MAP3K13: variants seen among roughly 807,000 people sequenced by gnomAD.
MAP3K13 encodes mitogen-activated protein kinase kinase kinase 13.
In MAP3K13, 52 loss-of-function variants were observed where a neutral mutation model predicts 104.0. The ratio of observed to expected loss-of-function variants is 0.50; its 90% CI spans 0.40 to 0.63. The LOEUF (loss-of-function observed/expected upper bound fraction) is 0.63. Among genes scored for constraint, MAP3K13 ranks in the 20% least tolerant of loss-of-function variants. MAP3K13 has a pLI of 0.00. For synonymous variants in MAP3K13, 394 were observed against 442.2 expected (o/e 0.89, Z 1.37); for missense variants, 914 against 1,218.5 (o/e 0.75, Z 3.72).
intron 2 of MAP3K13, among the ~76,000 whole-genome samples, chr3:185,436,763 G>T (rs1227294037): frequency 3.3e-5 from 5 of 151,950 alleles, no homozygotes; most frequent in Non-Finnish European, 7.4e-5. Flanking sequence ...AACACTTTGG[G>T]AGGCCAAGGC....
At chr3:185,448,852 G>A (rs1715733419) in intron 5 of MAP3K13, among the ~76,000 whole-genome samples, 2 of 152,150 alleles carry the variant, frequency 1.3e-5, no homozygotes, top group South Asian at 2.1e-4. Flanking sequence ...TACAGCCATC[G>A]TATTTGCTTA....
At chr3:185,312,960 C>G (rs1420945260) in intron 2 of MAP3K13, among the ~76,000 whole-genome samples, 1 of 152,048 alleles carries the variant, frequency 6.6e-6, no homozygotes, top group Non-Finnish European at 1.5e-5. Flanking sequence ...ATAGCTAAGG[C>G]AGGCAGATCA....
chr3:185,458,524 CT>C (rs992258662), intron 7 of MAP3K13, among the ~76,000 whole-genome samples: 15 of 152,204 alleles, frequency 9.9e-5, no homozygotes, highest in Middle Eastern at 3.4e-3. Flanking sequence ...ATTCTGGATT[CT>C]TTTTCTGATG....
At position 185,315,639 on chromosome 3, in the gene MAP3K13, T is replaced by C. The variant is rs972841795; in HGVS notation, c.-86+29996T>C. On this transcript the variant is annotated intron_variant, in intron 2 of 14. Transcript: ENST00000424227. This position sits in a 1 kb window ranked among gnomAD's most constrained non-coding sequence, Gnocchi z 4.3. The stretch of plus-strand genomic sequence containing the variant: ...TCCAAAGAAATCCAAAACAAGCAAA[T>C]TGTTTCACTATAACACTTAACAAAT... Among the ~76,000 whole-genome samples the C allele has an allele frequency of 1.1e-4, 17 of 152,192 alleles. No individual in the cohort carries two copies. Among genetic ancestry groups the C allele is most frequent in the African/African-American group, 4.1e-4 (17 of 41,450 alleles).
chr3:185,484,547 G>A lies in MAP3K13; in HGVS notation c.*2091G>A, dbSNP rs1291238359. 1 of 152,214 alleles carries A rather than the reference G, an allele frequency of 6.6e-6. No homozygotes were observed. The highest frequency in any genetic ancestry group is 2.4e-5 in the African/African-American group (1 of 41,446). The allele number at this position is 152,214 out of a possible 1,614,324, so 9.4% of individuals were successfully genotyped here. A position where few individuals can be genotyped will look rare whatever the true frequency, so the allele number is the denominator to read the frequency against. ...TTTTACTGATTGCATCAGCCAAAAA[G>A]GAAAGGCAGGAGGGAATTTAGAGTT... On this transcript the variant is annotated 3_prime_UTR_variant, in exon 14 of 14. Coordinates refer to ENST00000265026, the MANE Select transcript of MAP3K13 (RefSeq NM_004721.5).
chr3:185,417,927 C>G (rs1304561813), intron 1 of MAP3K13: 6 of 1,604,914 alleles, frequency 3.7e-6, no homozygotes, highest in Non-Finnish European at 5.1e-6. Context: ...CTGTATTAAT[C>G]AACTTGTGCA....
intron 8 of MAP3K13, among the ~76,000 whole-genome samples, chr3:185,464,153 C>T (rs187876505): frequency 3.9e-5 from 6 of 152,028 alleles, no homozygotes; most frequent in Non-Finnish European, 7.4e-5. Flanking sequence ...GGTGTGGTGG[C>T]GCACGATGCC....
rs182956912 is a variant in MAP3K13 at position 185,427,313 on chromosome 3, G to A, written c.-85-1184G>A. Among the ~76,000 whole-genome samples, 278 of 151,274 alleles carry A rather than the reference G, an allele frequency of 1.8e-3. 1 individual carries two copies. The highest frequency in any genetic ancestry group is 6.0e-3 in the African/African-American group (249 of 41,178). On this transcript the variant is annotated intron_variant, in intron 1 of 13. Transcript: ENST00000265026. ...TGGGAGGCGGAGGTTGCAGTGAGCC[G>A]AGATCACACCACTGTACTCCAGTCT...
intron 1 of MAP3K13, among the ~76,000 whole-genome samples, chr3:185,420,447 G>A (rs1714050377): frequency 6.6e-6 from 1 of 152,184 alleles, no homozygotes; most frequent in Non-Finnish European, 1.5e-5. Flanking sequence ...AGTAATCTAA[G>A]TTTTAAAATG....
chr3:185,442,526 T>C (rs1199709742), intron 3 of MAP3K13, among the ~76,000 whole-genome samples: 1 of 151,156 alleles, frequency 6.6e-6, no homozygotes, highest in African/African-American at 2.4e-5. Context: ...TTTAAATTAT[T>C]CCTTTTTTTT....
At chr3:185,434,078 T>C (rs1418551666) in intron 2 of MAP3K13, among the ~76,000 whole-genome samples, 1 of 152,146 alleles carries the variant, frequency 6.6e-6, no homozygotes, top group African/African-American at 2.4e-5. Context: ...AGATAACTTT[T>C]AGAAGGTAGA....
chr3:185,338,697 A>G (rs1029906022), intron 2 of MAP3K13, among the ~76,000 whole-genome samples: 1 of 151,812 alleles, frequency 6.6e-6, no homozygotes, highest in African/African-American at 2.4e-5. Flanking sequence ...TCTTTTTTAT[A>G]CTTTCCATCT....
intron 1 of MAP3K13, among the ~76,000 whole-genome samples, chr3:185,373,324 G>A (rs1724248551): frequency 6.6e-6 from 1 of 152,056 alleles, no homozygotes; most frequent in Non-Finnish European, 1.5e-5. Flanking sequence ...ATTTTTGTAT[G>A]TAATTCATAA....
At chr3:185,285,783 G>T (rs1720485941) in intron 2 of MAP3K13, 3 of 603,720 alleles carry the variant, frequency 5.0e-6, no homozygotes, top group African/African-American at 3.7e-5. Flanking sequence ...AGAGAGGTTT[G>T]TTTTGTATAT....
intron 13 of MAP3K13, 32 bp downstream of exon 13, chr3:185,480,561 G>C (rs746208243): frequency 6.3e-7 from 1 of 1,596,322 alleles, no homozygotes; most frequent in South Asian, 1.1e-5. Flanking sequence ...TCCCATCACT[G>C]TTCCCTTTTT....
chr3:185,339,137 T>A (rs1333677407), intron 2 of MAP3K13, among the ~76,000 whole-genome samples: 1 of 152,006 alleles, frequency 6.6e-6, no homozygotes, highest in African/African-American at 2.4e-5. Flanking sequence ...CTGGCCAACA[T>A]GGAGAAACCC....
intron 10 of MAP3K13, among the ~76,000 whole-genome samples, chr3:185,468,865 G>T (rs529625394): frequency 6.6e-6 from 1 of 152,206 alleles, no homozygotes; most frequent in Non-Finnish European, 1.5e-5. Context: ...GAGTCTGCCC[G>T]ATGGCTGCTC....
chr3:185,455,171 G>GATATATATATGATATATATGAGAT (rs202038007), intron 7 of MAP3K13, among the ~76,000 whole-genome samples: 1,306 of 28,138 alleles, frequency 0.046, 623 homozygotes, highest in Middle Eastern at 0.077. Flanking sequence ...ATATATATGA[G>GATATATATATGATATATATGAGAT]ATATATATGA....
chr3:185,311,046 A>G (rs1042659021), intron 2 of MAP3K13, among the ~76,000 whole-genome samples: 1 of 152,198 alleles, frequency 6.6e-6, no homozygotes, highest in African/African-American at 2.4e-5. Context: ...TCTAAATCAT[A>G]TGTCTCTAAA....
Sources: allele counts gnomAD v4.1 joint callset (sites outside exome capture counted in the v4.1 genomes callset), GRCh38; gene constraint gnomAD v4.1.1; non-coding constraint Gnocchi (gnomAD v3.1); transcripts MANE v1.5; gene names NCBI Gene and HGNC (gene_info 2026-07-23, HGNC 2026-07-21).